The following TCF20 variants were observed in gnomAD, a reference collection of about 807,000 sequenced individuals.
TCF20 encodes the protein SPRE-binding protein.
A neutral mutation model predicts 148.6 loss-of-function variants in TCF20; 3 were observed. That is an observed-to-expected ratio of 0.02 (90% CI 0.01 to 0.05). The LOEUF is 0.05. Among genes scored for constraint, TCF20 ranks in the 10% least tolerant of loss-of-function variants. The pLI is 1.00. For missense variants in TCF20, 2,350 were observed against 2,429.3 expected (o/e 0.97, Z 0.69); for synonymous variants, 1,049 against 909.5 (o/e 1.15, Z -2.76).
In TCF20 at chr22:42,214,551, C is replaced by T. The variant is rs753036168; in HGVS notation, c.755G>A (p.Arg252His). 39 of 1,613,936 alleles carry T rather than the reference C, an allele frequency of 2.4e-5. No individual in the cohort carries two copies. The highest frequency in any genetic ancestry group is 1.6e-4 in the Middle Eastern group (1 of 6,084). Residue 252 changes from arginine to histidine, a missense_variant, in exon 2 of 6, where the codon CGT (arginine) becomes CAT (histidine). Arg to His is a conservative substitution (Grantham distance 29). Coordinates refer to ENST00000677622, the MANE Select transcript of TCF20 (RefSeq NM_001378418.1). ...SSSSSFPSPQ[R>H]FSQSGQSYDG... ...ATAGCTCTGTCCAGACTGGCTAAAA[C>T]GCTGTGGTGAAGGGAAGGAGGAGGA...
chr22:42,330,954 C>T (rs911348461), intron 1 of TCF20, among the ~76,000 whole-genome samples: 3 of 152,192 alleles, frequency 2.0e-5, no homozygotes, highest in Non-Finnish European at 4.4e-5. Context: ...CATCTCATTC[C>T]CCTGGGGCTG....
At chr22:42,200,896 G>A (rs942709605) in intron 2 of TCF20, among the ~76,000 whole-genome samples, 6 of 152,170 alleles carry the variant, frequency 3.9e-5, no homozygotes, top group African/African-American at 9.7e-5. Context: ...TGCACTGCCC[G>A]TAAATTAAAG....
At chr22:42,182,762 A>G (rs947171275) in intron 2 of TCF20, among the ~76,000 whole-genome samples, 2 of 152,154 alleles carry the variant, frequency 1.3e-5, no homozygotes, top group Non-Finnish European at 2.9e-5. Context: ...TTTGAGACAG[A>G]GTCTCGTTCT....
At chr22:42,331,824 G>T (rs1040132726) in intron 1 of TCF20, among the ~76,000 whole-genome samples, 2 of 152,252 alleles carry the variant, frequency 1.3e-5, no homozygotes, top group Non-Finnish European at 2.9e-5. Flanking sequence ...AGCCAGGAAG[G>T]GAAGGTCTGG....
intron 1 of TCF20, among the ~76,000 whole-genome samples, chr22:42,216,078 CCTTTTTTT>C (rs1921752133): frequency 1.9e-5 from 1 of 53,786 alleles, no homozygotes; most frequent in South Asian, 6.9e-4. Context: ...AAAACCAAAT[CCTTTTTTT>C]TTTTTTTTTT....
intron 1 of TCF20, among the ~76,000 whole-genome samples, chr22:42,217,402 C>T (rs1921921136): frequency 6.6e-6 from 1 of 152,200 alleles, no homozygotes; most frequent in Non-Finnish European, 1.5e-5. Flanking sequence ...CACCTTTTCC[C>T]TGGCTGTAAC....
At chr22:42,332,018 G>T (rs951904646) in intron 1 of TCF20, among the ~76,000 whole-genome samples, 2 of 152,232 alleles carry the variant, frequency 1.3e-5, no homozygotes, top group Non-Finnish European at 2.9e-5. Flanking sequence ...AGGAACAGAT[G>T]ACAGGAAGGA....
chr22:42,247,379 G>A (rs1427990966), intron 1 of TCF20, among the ~76,000 whole-genome samples: 3 of 149,624 alleles, frequency 2.0e-5, no homozygotes, highest in Non-Finnish European at 1.5e-5. Flanking sequence ...GGCGGAGCTT[G>A]CAGTGAGCCG....
chr22:42,226,244 T>G lies in TCF20; in HGVS notation c.-36-10903A>C, dbSNP rs73169125. Among the ~76,000 whole-genome samples, 814 of 152,310 alleles carry G rather than the reference T, an allele frequency of 5.3e-3. 4 individuals are homozygous for G. The highest frequency in any genetic ancestry group is 7.8e-3 in the Non-Finnish European group (533 of 68,028). The stretch of plus-strand genomic sequence containing the variant: ...GGGCTAGCTAGAGGCTCCTGTGGGA[T>G]TTTCTTAAATGCTGAGCGTAGGGGC... On this transcript the variant is annotated intron_variant, in intron 1 of 5. Transcript: ENST00000677622.
intron 1 of TCF20, among the ~76,000 whole-genome samples, chr22:42,313,044 G>A (rs1026185073): frequency 2.0e-5 from 3 of 152,142 alleles, no homozygotes; most frequent in Non-Finnish European, 2.9e-5. Context: ...CCCAGCCTGA[G>A]TCACACCATC....
chr22:42,206,640 T>TG (rs1213964045), intron 2 of TCF20, among the ~76,000 whole-genome samples: 3 of 152,116 alleles, frequency 2.0e-5, no homozygotes, highest in Admixed American at 1.3e-4. Flanking sequence ...ACCTCAAACT[T>TG]GGAGTTTCAC....
At chr22:42,195,873 T>C (rs1937583003) in intron 2 of TCF20, among the ~76,000 whole-genome samples, 1 of 152,230 alleles carries the variant, frequency 6.6e-6, no homozygotes, top group African/African-American at 2.4e-5. Context: ...GGAGGTTACA[T>C]TGCTTCTACG....
intron 1 of TCF20, among the ~76,000 whole-genome samples, chr22:42,339,467 T>C (rs1285768415): frequency 6.6e-6 from 1 of 152,132 alleles, no homozygotes; most frequent in South Asian, 2.1e-4. Context: ...GAGAAGCCCA[T>C]AGCGACTAAA....
chr22:42,245,951 GT>G (rs1278477771), intron 1 of TCF20, among the ~76,000 whole-genome samples: 6 of 151,994 alleles, frequency 3.9e-5, no homozygotes, highest in Non-Finnish European at 7.4e-5. Flanking sequence ...CAATGATCTA[GT>G]TGTCTGTTTC....
In TCF20 at chr22:42,292,998, G is replaced by A. The variant is rs1407312042; in HGVS notation, c.-37+50481C>T. Reference sequence around the variant, plus strand: ...CTCATAGGCAGGGCAGAAAGGCCAGGGAGTGGGGCCCAGCTCTGGGGCAAG... The same window carrying A: ...CTCATAGGCAGGGCAGAAAGGCCAGAGAGTGGGGCCCAGCTCTGGGGCAAG... On this transcript the variant is annotated intron_variant, in intron 1 of 1. Transcript: ENST00000515426. The surrounding 1 kb of genome is among the most constrained non-coding windows in gnomAD (Gnocchi z 4.9). Among the ~76,000 whole-genome samples, 1 of 151,854 alleles carries A rather than the reference G, an allele frequency of 6.6e-6. No individual in the cohort carries two copies. The highest frequency in any genetic ancestry group is 1.5e-5 in the Non-Finnish European group (1 of 67,978).
intron 3 of TCF20, among the ~76,000 whole-genome samples, chr22:42,170,940 C>T (rs1254511186): frequency 1.3e-5 from 2 of 152,186 alleles, no homozygotes. Flanking sequence ...CTTTGCCCCA[C>T]GACCCACGGA....
At chr22:42,250,646 T>C (rs193098349) in intron 1 of TCF20, among the ~76,000 whole-genome samples, 19 of 152,312 alleles carry the variant, frequency 1.2e-4, no homozygotes, top group Admixed American at 7.8e-4. Context: ...AGTTACAAAA[T>C]GTAACACCCA....
intron 1 of TCF20, among the ~76,000 whole-genome samples, chr22:42,235,222 G>C (rs945705270): frequency 6.6e-6 from 1 of 152,046 alleles, no homozygotes; most frequent in African/African-American, 2.4e-5. Flanking sequence ...CTATGATAAG[G>C]AGGGTGCCAT....
chr22:42,189,628 G>A (rs1265335412), intron 2 of TCF20, among the ~76,000 whole-genome samples: 4 of 152,298 alleles, frequency 2.6e-5, no homozygotes, highest in South Asian at 2.1e-4. Flanking sequence ...TGTAAGACAC[G>A]AGGAAGAGAC....
Sources: allele counts gnomAD v4.1 joint callset (sites outside exome capture counted in the v4.1 genomes callset), GRCh38; gene constraint gnomAD v4.1.1; non-coding constraint Gnocchi (gnomAD v3.1); transcripts MANE v1.5; gene names NCBI Gene and HGNC (gene_info 2026-07-23, HGNC 2026-07-21).